The following HERC4 variants were observed in gnomAD, a reference collection of about 807,000 sequenced individuals.
HERC4 encodes the protein HECT and RLD domain containing E3 ubiquitin protein ligase 4.
Under a neutral mutation model 124.3 loss-of-function variants are expected in HERC4, and 28 were observed. That is an observed-to-expected ratio of 0.23 (90% CI 0.17 to 0.31). HERC4 has a LOEUF of 0.31. Ranked by LOEUF, HERC4 falls within the 10% of genes least tolerant of loss-of-function variation. The pLI is 1.00. For missense variants in HERC4, 713 were observed against 1,229.3 expected (o/e 0.58, Z 6.28); for synonymous variants, 407 against 421.5 (o/e 0.97, Z 0.42).
At chr10:67,932,180 C>A (rs1375832364) in intron 23 of HERC4, among the ~76,000 whole-genome samples, 1 of 152,196 alleles carries the variant, frequency 6.6e-6, no homozygotes, top group Non-Finnish European at 1.5e-5. Context: ...TGGTCTTGAA[C>A]ACCTGACCTC....
At chr10:67,999,473 C>A (rs1040463948) in intron 9 of HERC4, among the ~76,000 whole-genome samples, 1 of 152,146 alleles carries the variant, frequency 6.6e-6, no homozygotes, top group Non-Finnish European at 1.5e-5. Context: ...TAAAAGGATT[C>A]CAACAGGTAT....
intron 8 of HERC4, among the ~76,000 whole-genome samples, chr10:68,023,742 C>T (rs1251625292): frequency 6.6e-6 from 1 of 151,972 alleles, no homozygotes; most frequent in Non-Finnish European, 1.5e-5. Flanking sequence ...TTTAATGGTG[C>T]TAGGGTAATT....
chr10:68,031,587 A>G (rs1055063490), intron 7 of HERC4, among the ~76,000 whole-genome samples: 11 of 152,164 alleles, frequency 7.2e-5, no homozygotes, highest in Non-Finnish European at 1.0e-4. Flanking sequence ...CCTTACTAAA[A>G]GGCAAGTACT....
intron 19 of HERC4, among the ~76,000 whole-genome samples, chr10:67,941,908 A>G (rs1042289369): frequency 6.6e-6 from 1 of 151,980 alleles, no homozygotes; most frequent in African/African-American, 2.4e-5. Flanking sequence ...TGCTCACGTC[A>G]GCCTCCCAAA....
chr10:67,957,809 T>C (rs994558664), intron 16 of HERC4, among the ~76,000 whole-genome samples: 1 of 152,122 alleles, frequency 6.6e-6, no homozygotes, highest in Non-Finnish European at 1.5e-5. Context: ...AGTCTGAATC[T>C]GCATTTTTTT....
At chr10:67,927,430 A>ATATTTTTT (rs1564911511) in intron 23 of HERC4, among the ~76,000 whole-genome samples, 8 of 37,864 alleles carry the variant, frequency 2.1e-4, no homozygotes, top group Non-Finnish European at 4.6e-4. Flanking sequence ...ATATATATAT[A>ATATTTTTT]TTTTTTTTTT....
intron 5 of HERC4, among the ~76,000 whole-genome samples, chr10:68,036,412 T>C (rs1184481703): frequency 2.0e-5 from 3 of 151,676 alleles, no homozygotes; most frequent in Non-Finnish European, 4.4e-5. Context: ...TATGAAAAAC[T>C]GTCCTCAGTA....
intron 3 of HERC4, chr10:68,068,777 T>G (rs2041425952): frequency 6.6e-6 from 1 of 152,160 alleles, no homozygotes; most frequent in South Asian, 2.1e-4. Context: ...GGAAAAGATT[T>G]GTGAGATTAA....
intron 3 of HERC4, among the ~76,000 whole-genome samples, chr10:68,046,513 T>C (rs956632145): frequency 6.6e-6 from 1 of 152,254 alleles, no homozygotes; most frequent in Non-Finnish European, 1.5e-5. Context: ...TGTACACTTC[T>C]TGTGCTCCAA....
At chr10:67,954,872 G>A (rs1274472128) in intron 18 of HERC4, 91 bp downstream of exon 18, 3 of 1,288,040 alleles carry the variant, frequency 2.3e-6, no homozygotes, top group Non-Finnish European at 3.1e-6. Flanking sequence ...TATTTATTAA[G>A]TTTAAAAGAT....
In HERC4 at chr10:68,042,760, C is replaced by T. The variant is rs537045636; in HGVS notation, c.386+1644G>A. 7.9e-5 allele frequency among the ~76,000 whole-genome samples: 12 copies of T among 152,138 alleles called. No individual in the cohort carries two copies. The South Asian group carries it at 2.5e-3, about 32-fold the overall frequency. On this transcript the variant is annotated intron_variant, in intron 4 of 24. Coordinates refer to ENST00000373700, the MANE Select transcript of HERC4 (RefSeq NM_015601.4). ...CTTACATCTGAAAAATGATTTGGTA[C>T]TGAAATTAAAACCAAAACTCTCTTG... is the stretch of plus-strand genomic sequence containing the variant.
At chr10:68,044,292 G>C in intron 4 of HERC4, 112 bp downstream of exon 4, 1 of 966,518 alleles carries the variant, frequency 1.0e-6, no homozygotes, top group African/African-American at 1.7e-5. Context: ...ACTCAAAGGG[G>C]AGAAATAATG....
chr10:68,060,782 A>G (rs945085531), intron 3 of HERC4, among the ~76,000 whole-genome samples: 2 of 152,140 alleles, frequency 1.3e-5, no homozygotes, highest in African/African-American at 4.8e-5. Flanking sequence ...GTTCATTCCT[A>G]TTAGAGAGCC....
At chr10:68,015,659 A>G (rs1361589795) in intron 8 of HERC4, among the ~76,000 whole-genome samples, 1 of 152,222 alleles carries the variant, frequency 6.6e-6, no homozygotes, top group Admixed American at 6.5e-5. Flanking sequence ...ACCCTCCCTC[A>G]GGAAGCAGCC....
intron 3 of HERC4, among the ~76,000 whole-genome samples, chr10:68,050,829 A>G (rs958324451): frequency 1.3e-5 from 2 of 152,224 alleles, no homozygotes; most frequent in Non-Finnish European, 2.9e-5. Context: ...AAAGGGAGAT[A>G]ATGACAAGCA....
chr10:68,015,353 C>T (rs1421576789), intron 8 of HERC4, among the ~76,000 whole-genome samples: 5 of 152,190 alleles, frequency 3.3e-5, no homozygotes, highest in African/African-American at 1.2e-4. Flanking sequence ...ATGAGAGCAG[C>T]CCAGTTAAGC....
chr10:67,979,368 G>A (rs1323303358), intron 15 of HERC4, among the ~76,000 whole-genome samples: 2 of 151,822 alleles, frequency 1.3e-5, no homozygotes, highest in Non-Finnish European at 2.9e-5. Flanking sequence ...TCTTTTAATA[G>A]GAGAATTGAT....
At chr10:68,042,085 C>T (rs920613115) in intron 4 of HERC4, among the ~76,000 whole-genome samples, 8 of 152,198 alleles carry the variant, frequency 5.3e-5, no homozygotes, top group South Asian at 2.1e-4. Flanking sequence ...GGTGCAATCT[C>T]GGCTCACTGC....
rs909318993 is a variant in HERC4, at chr10:67,968,246, C to A, written c.1807-1444G>T. Among the ~76,000 whole-genome samples, 43 of 152,212 alleles carry A rather than the reference C, an allele frequency of 2.8e-4. 1 individual carries two copies. Among genetic ancestry groups the A allele is most frequent in the African/African-American group, 1.0e-3 (42 of 41,542 alleles). On this transcript the variant is annotated intron_variant, in intron 15 of 24. Transcript: ENST00000373700. The stretch of plus-strand genomic sequence containing the variant: ...AGCCCCAAAATCTATGTGCAAATTC[C>A]CCCCACATCCTTGGCTAACTCTAAA...
Sources: gnomAD v4.1 joint callset for allele counts (sites outside exome capture counted in the v4.1 genomes callset) on GRCh38, gnomAD v4.1.1 for gene constraint, MANE v1.5 for transcripts, NCBI Gene and HGNC (gene_info 2026-07-23, HGNC 2026-07-21) for gene names.